Variants in OR51B5 observed in about 807,000 individuals in gnomAD.
OR51B5 encodes the protein olfactory receptor 51B5.
For missense variants in OR51B5, 456 were observed against 374.6 expected, an observed-to-expected ratio of 1.22 and a Z score of -1.79; for synonymous variants, 186 against 144.8, an observed-to-expected ratio of 1.28 and a Z score of -2.04.
intron 1 of OR51B5, among the ~76,000 whole-genome samples, chr11:5,350,691 G>A (rs1327971087): frequency 2.0e-5 from 3 of 152,098 alleles, no homozygotes; most frequent in Non-Finnish European, 4.4e-5. Context: ...TTATCAATTA[G>A]TGCCTTCAAA....
intron 1 of OR51B5, chr11:5,453,688 C>G: frequency 6.2e-7 from 1 of 1,613,674 alleles, no homozygotes; most frequent in Non-Finnish European, 8.5e-7. Context: ...TCCATGTTGT[C>G]CTTCAGTGAT....
In OR51B5 at chr11:5,373,294, T is replaced by C. The variant is rs1194551500; in HGVS notation, n.85-26384A>G. 3.3e-5 allele frequency among the ~76,000 whole-genome samples: 5 copies of C among 152,200 alleles called. No individual in the cohort carries two copies. The East Asian group carries it at 9.6e-4, about 29-fold the overall frequency. On this transcript the variant is annotated intron_variant and non_coding_transcript_variant, in intron 1 of 4. Coordinates refer to the OR51B5 transcript ENST00000415970. ...GTCTTGATTTGAAGAAAATTTTCACTGGAAGTCTATATTGATCGATTTTTT... is the reference window on the plus strand; with the variant it reads ...GTCTTGATTTGAAGAAAATTTTCACCGGAAGTCTATATTGATCGATTTTTT...
intron 1 of OR51B5, among the ~76,000 whole-genome samples, chr11:5,487,244 T>C (rs1038998645): frequency 1.3e-5 from 2 of 152,158 alleles, no homozygotes; most frequent in Non-Finnish European, 2.9e-5. Flanking sequence ...TTATCGAGAG[T>C]ATATGTTGTT....
chr11:5,377,393 A>G (rs1365110680), intron 1 of OR51B5, among the ~76,000 whole-genome samples: 3 of 152,188 alleles, frequency 2.0e-5, no homozygotes, highest in Non-Finnish European at 2.9e-5. Flanking sequence ...CCCTTTGTAA[A>G]CTGGCACAAG....
chr11:5,422,420 G>C (rs1425909472), intron 1 of OR51B5: 1 of 1,613,990 alleles, frequency 6.2e-7, no homozygotes, highest in East Asian at 2.2e-5. Context: ...GACGGACCTG[G>C]GTCTCACCCT....
intron 1 of OR51B5, chr11:5,453,603 C>G (rs1357470840): frequency 6.2e-7 from 1 of 1,613,678 alleles, no homozygotes; most frequent in East Asian, 2.2e-5. Context: ...TGCTGTGGCC[C>G]TTGGGGGAAA....
At chr11:5,363,095 T>A (rs139366381) in intron 1 of OR51B5, among the ~76,000 whole-genome samples, 35 of 152,076 alleles carry the variant, frequency 2.3e-4, no homozygotes, top group African/African-American at 8.4e-4. Flanking sequence ...GTGGCATTCC[T>A]CCATGAGAGA....
In OR51B5 at chr11:5,408,211, C is replaced by T. The variant is rs535646732; in HGVS notation, n.85-61301G>A. Among the ~76,000 whole-genome samples, 10 of 152,174 alleles carry T rather than the reference C, an allele frequency of 6.6e-5. No individual in the cohort carries two copies. In the South Asian group the frequency reaches 2.1e-3, roughly 32 times the overall value. ...CCATCTATAATGATTATTACTCTTC[C>T]TTGCTCACTCCAGTCCCTTCCTCAT... On this transcript the variant is annotated intron_variant and non_coding_transcript_variant, in intron 1 of 4. Coordinates refer to the OR51B5 transcript ENST00000415970.
chr11:5,342,669 T>C (rs1848914447), exon 1 of OR51B5: 3 of 1,613,970 alleles, frequency 1.9e-6, no homozygotes, highest in Non-Finnish European at 2.5e-6. Flanking sequence ...GTTATAGGAT[T>C]CATTAGTGGA....
At chr11:5,467,133 T>C (rs1564823035) in intron 1 of OR51B5, among the ~76,000 whole-genome samples, 1 of 152,210 alleles carries the variant, frequency 6.6e-6, no homozygotes, top group Non-Finnish European at 1.5e-5. Context: ...AGCCTGCAAG[T>C]ATTGTTCCCA....
At chr11:5,373,681 T>G (rs796917470) in intron 1 of OR51B5, among the ~76,000 whole-genome samples, 2 of 152,194 alleles carry the variant, frequency 1.3e-5, no homozygotes, top group Non-Finnish European at 2.9e-5. Context: ...GATTATATCC[T>G]GCACATGGCT....
chr11:5,354,255 C>T (rs145289763), intron 1 of OR51B5, among the ~76,000 whole-genome samples: 1 of 152,274 alleles, frequency 6.6e-6, no homozygotes, highest in East Asian at 1.9e-4. Flanking sequence ...GGAATGAATT[C>T]AGGGGGATCT....
downstream of OR51B5, chr11:5,340,415 A>G (rs1307910386): frequency 6.6e-6 from 1 of 151,364 alleles, no homozygotes; most frequent in Non-Finnish European, 1.5e-5. Flanking sequence ...CTGATGAAAA[A>G]CATTGTCATT....
intron 1 of OR51B5, among the ~76,000 whole-genome samples, chr11:5,369,357 A>G (rs1300947680): frequency 1.3e-5 from 2 of 152,208 alleles, no homozygotes; most frequent in Admixed American, 6.6e-5. Context: ...ACTATTAACA[A>G]TAATATTTTA....
intron 1 of OR51B5, chr11:5,385,459 G>T (rs1185188747): frequency 6.6e-6 from 1 of 151,968 alleles, no homozygotes; most frequent in African/African-American, 2.4e-5. Flanking sequence ...AGGATAAGAG[G>T]TGAGTACTTT....
intron 1 of OR51B5, chr11:5,362,731 C>T (rs1424983794): frequency 1.3e-5 from 3 of 224,072 alleles, no homozygotes; most frequent in South Asian, 8.4e-5. Context: ...TCTTTGTTTA[C>T]GAGGTCACCT....
At chr11:5,429,643 G>A (rs1005272714) in intron 1 of OR51B5, among the ~76,000 whole-genome samples, 3 of 152,052 alleles carry the variant, frequency 2.0e-5, no homozygotes, top group African/African-American at 7.2e-5. Flanking sequence ...AGAGGGGAGG[G>A]GACCCACTAG....
intron 1 of OR51B5, among the ~76,000 whole-genome samples, chr11:5,466,008 A>G (rs1467520030): frequency 6.6e-6 from 1 of 151,904 alleles, no homozygotes; most frequent in African/African-American, 2.4e-5. Flanking sequence ...AACTATCATC[A>G]GAGTGAACAG....
At chr11:5,373,148 G>A (rs1849469826) in intron 1 of OR51B5, among the ~76,000 whole-genome samples, 1 of 152,068 alleles carries the variant, frequency 6.6e-6, no homozygotes, top group Non-Finnish European at 1.5e-5. Context: ...TTTACCTTAA[G>A]CCATAAGTCA....
Sources: allele counts gnomAD v4.1 joint callset (sites outside exome capture counted in the v4.1 genomes callset), GRCh38; gene constraint gnomAD v4.1.1; transcripts MANE v1.5; gene names NCBI Gene and HGNC (gene_info 2026-07-23, HGNC 2026-07-21).